The following IL12RB2 variants were observed in gnomAD, a reference collection of about 807,000 sequenced individuals.
The protein encoded by IL12RB2 is interleukin-12 receptor subunit beta-2.
In IL12RB2, 82 loss-of-function variants were observed where a neutral mutation model predicts 89.4. That is an observed-to-expected ratio of 0.92 (90% CI 0.77 to 1.10). The LOEUF is 1.10. Ranked by LOEUF, IL12RB2 falls within the 50% of genes least tolerant of loss-of-function variation. IL12RB2 has a pLI of 0.00. For synonymous variants in IL12RB2, 368 were observed against 370.1 expected, an observed-to-expected ratio of 0.99 and a Z score of 0.07; for missense variants, 963 against 1,031.9, an observed-to-expected ratio of 0.93 and a Z score of 0.92.
intron 1 of IL12RB2, among the ~76,000 whole-genome samples, chr1:67,311,088 G>T (rs891534398): frequency 2.0e-5 from 3 of 152,166 alleles, no homozygotes; most frequent in African/African-American, 4.8e-5. Context: ...CAAGTGATTT[G>T]TCACAGGCCA....
chr1:67,332,536 A>T (rs1387439147), intron 8 of IL12RB2, among the ~76,000 whole-genome samples: 1 of 152,204 alleles, frequency 6.6e-6, no homozygotes, highest in Non-Finnish European at 1.5e-5. Context: ...TATCCAACAA[A>T]TGATAATTTA....
intron 1 of IL12RB2, among the ~76,000 whole-genome samples, chr1:67,312,613 CA>C (rs763332084): frequency 1.5e-4 from 15 of 96,788 alleles, no homozygotes; most frequent in Non-Finnish European, 3.0e-4. Context: ...ACAGAATTGA[CA>C]GAAACAACAT....
At chr1:67,316,900 A>G (rs555250402) in intron 2 of IL12RB2, among the ~76,000 whole-genome samples, 1 of 152,054 alleles carries the variant, frequency 6.6e-6, no homozygotes, top group Admixed American at 6.6e-5. Context: ...TGTTGCTTAT[A>G]TTTTTGTTTT....
chr1:67,372,830 T>C (rs1663519747), intron 13 of IL12RB2, 47 bp downstream of exon 13: 3 of 1,361,074 alleles, frequency 2.2e-6, no homozygotes, highest in Non-Finnish European at 2.1e-6. Context: ...CTTGTTTGGA[T>C]GTCAGGAAAA....
At chr1:67,355,858 G>A (rs191498605) in intron 10 of IL12RB2, among the ~76,000 whole-genome samples, 5 of 152,256 alleles carry the variant, frequency 3.3e-5, no homozygotes, top group African/African-American at 1.2e-4. Context: ...CATGAGAGAG[G>A]AAATTCTAGG....
intron 9 of IL12RB2, among the ~76,000 whole-genome samples, chr1:67,345,791 CAT>C (rs1260404701): frequency 6.6e-6 from 1 of 152,130 alleles, no homozygotes; most frequent in East Asian, 1.9e-4. Context: ...ACTAGTCACA[CAT>C]GTTATGCCAG....
At chr1:67,333,116 C>T (rs942954602) in intron 8 of IL12RB2, among the ~76,000 whole-genome samples, 1 of 152,184 alleles carries the variant, frequency 6.6e-6, no homozygotes. Context: ...CTCTGAGATA[C>T]ACCACCTTTA....
chr1:67,395,801 C>G lies in IL12RB2; in HGVS notation c.2301C>G (p.Tyr767Ter). ...AGAGCAGACAACTGGTGGATCTGTA[C>G]AAGGTGCTGGAGAGCAGGGGCTCCG... is the stretch of plus-strand genomic sequence containing the variant. ...QAESRQLVDL[Y>*]KVLESRGSDP... is the part of the protein sequence containing the mutation. Residue 767 changes from tyrosine to a stop codon, truncating the protein, a stop_gained, in exon 17 of 17, where the codon TAC becomes TAG. Coordinates refer to ENST00000674203, the MANE Select transcript of IL12RB2 (RefSeq NM_001374259.2). LOFTEE classifies it low-confidence loss of function (END_TRUNC). 6.2e-7 allele frequency: 1 copy of G among 1,614,008 alleles called. No homozygotes were observed. Among genetic ancestry groups the G allele is most frequent in the Non-Finnish European group, 8.5e-7 (1 of 1,179,852 alleles).
At chr1:67,317,420 G>T (rs1655919897) in intron 2 of IL12RB2, among the ~76,000 whole-genome samples, 1 of 152,138 alleles carries the variant, frequency 6.6e-6, no homozygotes, top group African/African-American at 2.4e-5. Flanking sequence ...CACATTCATT[G>T]GCTCGTGGCT....
intron 13 of IL12RB2, among the ~76,000 whole-genome samples, chr1:67,378,465 G>C (rs1664210029): frequency 6.6e-6 from 1 of 152,136 alleles, no homozygotes; most frequent in Non-Finnish European, 1.5e-5. Context: ...CGGTGCTCTA[G>C]TTTTTAATGA....
intron 10 of IL12RB2, among the ~76,000 whole-genome samples, chr1:67,352,424 A>C (rs952051572): frequency 1.3e-5 from 2 of 152,226 alleles, no homozygotes; most frequent in African/African-American, 4.8e-5. Flanking sequence ...GAAATGGTCC[A>C]AAATGGCTGC....
chr1:67,386,161 A>G (rs17129947), intron 14 of IL12RB2, among the ~76,000 whole-genome samples: 1 of 123,478 alleles, frequency 8.1e-6, no homozygotes, highest in African/African-American at 3.0e-5. Flanking sequence ...GTGAGCTGAG[A>G]TTGCGCCATT....
rs1282668220 is a variant in IL12RB2, at chr1:67,397,924, C to T, written c.*1835C>T. On this transcript the variant is annotated 3_prime_UTR_variant, in exon 17 of 17. Transcript: ENST00000674203. Reference sequence around the variant, plus strand: ...GCATACCCCAGTCCTGTAGAAATAACTGTTCTCGGGCTTTAGGTTTTCCAG... The same window carrying T: ...GCATACCCCAGTCCTGTAGAAATAATTGTTCTCGGGCTTTAGGTTTTCCAG... 6.6e-6 allele frequency among the ~76,000 whole-genome samples: 1 copy of T among 152,188 alleles called. No individual in the cohort carries two copies. The highest frequency in any genetic ancestry group is 2.4e-5 in the African/African-American group (1 of 41,440).
In IL12RB2 at chr1:67,380,042, GTGACATA is replaced by G. The variant is rs1343947503; in HGVS notation, c.1777_1783del (p.Thr593SerfsTer4). 1 of 1,613,328 alleles carries G rather than the reference GTGACATA, an allele frequency of 6.2e-7. No homozygotes were observed. Among genetic ancestry groups the G allele is most frequent in the Non-Finnish European group, 8.5e-7 (1 of 1,179,282 alleles). ...TCCAATAAACAGCCTGCAGCCCCGA[GTGACATA>G]TGTCCTGTGGATGACAGCTCTGACA... On this transcript the variant is annotated frameshift_variant, in exon 14 of 17. Transcript: ENST00000674203. LOFTEE classifies it high-confidence loss of function.
At chr1:67,378,908 C>T (rs890669404) in intron 13 of IL12RB2, among the ~76,000 whole-genome samples, 2 of 137,216 alleles carry the variant, frequency 1.5e-5, no homozygotes, top group Admixed American at 7.6e-5. Context: ...AATTGTTAAA[C>T]TTACATAGGC....
chr1:67,396,016 C>A lies in IL12RB2; in HGVS notation c.2516C>A (p.Pro839Gln). 1 of 1,603,292 alleles carries A rather than the reference C, an allele frequency of 6.2e-7. No homozygotes were observed. The highest frequency in any genetic ancestry group is 8.5e-7 in the Non-Finnish European group (1 of 1,169,986). Residue 839 changes from proline to glutamine, a missense_variant, in exon 17 of 17, where the codon CCA (proline) becomes CAA (glutamine). Coordinates refer to ENST00000674203, the MANE Select transcript of IL12RB2 (RefSeq NM_001374259.2). ...LSVFPSSSLH[P>Q]LTFSCGDKLT... Reference sequence around the variant, plus strand: ...GTTTTCCCCTCAAGTTCTCTTCACCCACTCACCTTCTCCTGTGGTGATAAG... The same window carrying A: ...GTTTTCCCCTCAAGTTCTCTTCACCAACTCACCTTCTCCTGTGGTGATAAG...
intron 8 of IL12RB2, among the ~76,000 whole-genome samples, chr1:67,332,086 G>A (rs956313520): frequency 5.3e-5 from 8 of 152,142 alleles, no homozygotes; most frequent in Non-Finnish European, 1.0e-4. Flanking sequence ...AATGGCTTTT[G>A]ATAACTGATG....
chr1:67,382,082 T>C (rs1455142050), intron 14 of IL12RB2, among the ~76,000 whole-genome samples: 1 of 152,236 alleles, frequency 6.6e-6, no homozygotes, highest in Admixed American at 6.5e-5. Context: ...AAGCAGATGC[T>C]GAAGAAACGT....
chr1:67,346,131 T>C (rs552396472), intron 9 of IL12RB2, among the ~76,000 whole-genome samples: 1 of 152,272 alleles, frequency 6.6e-6, no homozygotes, highest in Admixed American at 6.5e-5. Context: ...TGGGTTTGAG[T>C]TCCAGCTTCA....
Sources: gnomAD v4.1 joint callset for allele counts (sites outside exome capture counted in the v4.1 genomes callset) on GRCh38, gnomAD v4.1.1 for gene constraint, MANE v1.5 for transcripts, NCBI Gene and HGNC (gene_info 2026-07-23, HGNC 2026-07-21) for gene names.